RND3: variants seen among roughly 807,000 people sequenced by gnomAD.
RND3 encodes Rho family GTPase 3.
In RND3, 8 loss-of-function variants were observed where a neutral mutation model predicts 26.5. The ratio of observed to expected loss-of-function variants is 0.30; its 90% CI spans 0.18 to 0.54. The LOEUF (loss-of-function observed/expected upper bound fraction) is 0.54, where lower values mean the gene tolerates loss of function less well. Among genes scored for constraint, RND3 ranks in the 20% least tolerant of loss-of-function variants. The probability of loss-of-function intolerance (pLI) is 0.94; values close to 1 mark genes in which losing one functional copy is unlikely to be tolerated. For synonymous variants in RND3, 113 were observed against 113.0 expected (o/e 1.00, Z 0.00); for missense variants, 207 against 302.8 (o/e 0.68, Z 2.35).
intron 3 of RND3, among the ~76,000 whole-genome samples, chr2:150,483,655 G>T (rs1686312431): frequency 6.6e-6 from 1 of 152,180 alleles, no homozygotes; most frequent in Non-Finnish European, 1.5e-5. Flanking sequence ...GCCATGAAAA[G>T]CTTGGAATTA....
At chr2:150,481,123 G>C (rs758708724) in intron 3 of RND3, among the ~76,000 whole-genome samples, 1 of 152,168 alleles carries the variant, frequency 6.6e-6, no homozygotes, top group Non-Finnish European at 1.5e-5. Flanking sequence ...TGGAAGAAAC[G>C]TTAAAAACTT....
Position 150,486,415 on chromosome 2 carries a change from A to G in RND3, c.238+279T>C, listed in dbSNP as rs1686363411. Among the ~76,000 whole-genome samples, 1 of 151,470 alleles carries G rather than the reference A, an allele frequency of 6.6e-6. No individual in the cohort carries two copies. Among genetic ancestry groups the G allele is most frequent in the Admixed American group, 6.6e-5 (1 of 15,242 alleles). On this transcript the variant is annotated intron_variant, in intron 3 of 5. Coordinates refer to ENST00000263895, the MANE Select transcript of RND3 (RefSeq NM_005168.5). The surrounding 1 kb of genome is among the most constrained non-coding windows in gnomAD (Gnocchi z 4.5). Reference sequence around the variant, plus strand: ...TCGGCCGACCCAAGGCGACTTGACCACGACTCCGCGGGCGGACTGCGCCTG... The same window carrying G: ...TCGGCCGACCCAAGGCGACTTGACCGCGACTCCGCGGGCGGACTGCGCCTG...
chr2:150,482,947 C>T (rs1686299927), intron 3 of RND3, among the ~76,000 whole-genome samples: 1 of 152,126 alleles, frequency 6.6e-6, no homozygotes, highest in South Asian at 2.1e-4. Context: ...GAACTGTCTG[C>T]TTCTTAGGAG....
At position 150,469,743 on chromosome 2, in the gene RND3, C is replaced by G; in HGVS notation, c.*244G>C. 2.1e-6 allele frequency: 1 copy of G among 478,892 alleles called. No individual in the cohort carries two copies. The highest frequency in any genetic ancestry group is 2.0e-5 in the African/African-American group (1 of 51,042). The allele number at this position is 478,892 out of a possible 1,614,324, so 29.7% of individuals were successfully genotyped here. A position where few individuals can be genotyped will look rare whatever the true frequency, so the allele number is the denominator to read the frequency against. ...TCATCTTCCTCTAGCTCATTTGTAT[C>G]TCTCATTTTTTGGCATATTTTTCAA... On this transcript the variant is annotated 3_prime_UTR_variant, in exon 6 of 6. Coordinates refer to ENST00000263895, the MANE Select transcript of RND3 (RefSeq NM_005168.5).
intron 3 of RND3, among the ~76,000 whole-genome samples, chr2:150,484,622 G>C (rs1189729272): frequency 6.6e-6 from 1 of 152,160 alleles, no homozygotes; most frequent in Non-Finnish European, 1.5e-5. Flanking sequence ...AAGACTAAGA[G>C]CTGAAGCCAA....
chr2:150,483,946 C>T (rs1419543984), intron 3 of RND3, among the ~76,000 whole-genome samples: 1 of 152,220 alleles, frequency 6.6e-6, no homozygotes, highest in Non-Finnish European at 1.5e-5. Context: ...TTCTTCATCA[C>T]ATTTTCAAAC....
At chr2:150,480,115 T>C (rs562062080) in intron 3 of RND3, among the ~76,000 whole-genome samples, 2 of 152,306 alleles carry the variant, frequency 1.3e-5, no homozygotes, top group Non-Finnish European at 2.9e-5. Flanking sequence ...AGTGGAACCA[T>C]GGTTAAGTCA....
chr2:150,487,644 C>G lies in RND3; in HGVS notation c.-134G>C, dbSNP rs1465977397. On this transcript the variant is annotated 5_prime_UTR_variant, in exon 1 of 6. Coordinates refer to ENST00000263895, the MANE Select transcript of RND3 (RefSeq NM_005168.5). Reference sequence around the variant, plus strand: ...AAGCCTGACTCCTCACCGCGCCTCCCAAGTCCAATTCCGAGCCGACTGCTT... The same window carrying G: ...AAGCCTGACTCCTCACCGCGCCTCCGAAGTCCAATTCCGAGCCGACTGCTT... The G allele has an allele frequency of 6.4e-6, 1 of 156,028 alleles. No individual in the cohort carries two copies. Among genetic ancestry groups the G allele is most frequent in the African/African-American group, 2.4e-5 (1 of 41,514 alleles). 9.7% of individuals were successfully genotyped at this position (156,028 alleles called of 1,614,324 possible).
At chr2:150,478,366 G>A (rs548884469) in intron 3 of RND3, among the ~76,000 whole-genome samples, 10 of 151,762 alleles carry the variant, frequency 6.6e-5, no homozygotes, top group Non-Finnish European at 1.2e-4. Flanking sequence ...GAGAGGGCAC[G>A]GTGGAATCAC....
At chr2:150,487,495 T>TTC in intron 1 of RND3, 40 bp from the exon 2 acceptor site, 3 of 305,154 alleles carry the variant, frequency 9.8e-6, no homozygotes, top group Non-Finnish European at 1.5e-5. Context: ...ATATATATAT[T>TTC]TCTCTCTTTA....
At chr2:150,479,342 G>A (rs1686232720) in intron 3 of RND3, among the ~76,000 whole-genome samples, 2 of 152,138 alleles carry the variant, frequency 1.3e-5, no homozygotes, top group Non-Finnish European at 2.9e-5. Flanking sequence ...AAATGTATAT[G>A]TAAGAAGATT....
intron 4 of RND3, 142 bp from the exon 5 acceptor site, chr2:150,471,903 A>G: frequency 1.5e-6 from 1 of 667,232 alleles, no homozygotes; most frequent in Non-Finnish European, 2.5e-6. Context: ...TGAAGAAGCA[A>G]ACTTTGCATT....
At chr2:150,472,012 C>T (rs1686094421) in intron 4 of RND3, 3 of 403,618 alleles carry the variant, frequency 7.4e-6, no homozygotes, top group Non-Finnish European at 1.3e-5. Context: ...TCATCTGTTG[C>T]TACTGAAAGA....
chr2:150,470,133 A>G lies in RND3; in HGVS notation c.589T>C (p.Cys197Arg). 6.2e-7 allele frequency: 1 copy of G among 1,614,018 alleles called. No individual in the cohort carries two copies. Among genetic ancestry groups the G allele is most frequent in the Non-Finnish European group, 8.5e-7 (1 of 1,179,958 alleles). Reference sequence around the variant, plus strand: ...ACGTTTTTATTTGTCTTATTTACACATGCCAAGGTGGCAACGTGAAAAATG... The same window carrying G: ...ACGTTTTTATTTGTCTTATTTACACGTGCCAAGGTGGCAACGTGAAAAATG... ...RDIFHVATLA[C>R]VNKTNKNVKR... The change falls in exon 6 of 6, where the codon TGT becomes CGT. Residue 197 changes from cysteine to arginine, a missense_variant. Physicochemically the swap from Cys to Arg is radical, Grantham distance 180. Coordinates refer to ENST00000263895, the MANE Select transcript of RND3 (RefSeq NM_005168.5).
Position 150,469,155 on chromosome 2 carries a change from T to G in RND3, c.*832A>C, listed in dbSNP as rs1686039568. The G allele has an allele frequency of 6.6e-6, 1 of 152,632 alleles. No homozygotes were observed. The highest frequency in any genetic ancestry group is 2.1e-4 in the South Asian group (1 of 4,824). The allele number at this position is 152,632 out of a possible 1,614,324, so 9.5% of individuals were successfully genotyped here. A position where few individuals can be genotyped will look rare whatever the true frequency, so the allele number is the denominator to read the frequency against. On this transcript the variant is annotated 3_prime_UTR_variant, in exon 6 of 6. Coordinates refer to ENST00000263895, the MANE Select transcript of RND3 (RefSeq NM_005168.5). ...CTATGACATCAAACCAAGACACCTTTTATTTGACTTTGCATTTTTATCAAC... is the reference window on the plus strand; with the variant it reads ...CTATGACATCAAACCAAGACACCTTGTATTTGACTTTGCATTTTTATCAAC...
intron 3 of RND3, among the ~76,000 whole-genome samples, chr2:150,479,460 A>G (rs548040030): frequency 5.3e-5 from 8 of 152,336 alleles, no homozygotes; most frequent in Admixed American, 3.9e-4. Flanking sequence ...TGAATATTTC[A>G]TAAATATAAT....
chr2:150,482,310 T>C (rs1686287072), intron 3 of RND3, among the ~76,000 whole-genome samples: 1 of 152,242 alleles, frequency 6.6e-6, no homozygotes. Flanking sequence ...CAGTGATCCT[T>C]AAATGACTAC....
intron 3 of RND3, among the ~76,000 whole-genome samples, chr2:150,475,822 A>G (rs1020700485): frequency 6.6e-6 from 1 of 152,222 alleles, no homozygotes; most frequent in Non-Finnish European, 1.5e-5. Flanking sequence ...ACACTGAGGC[A>G]TGATCTAAGG....
intron 4 of RND3, among the ~76,000 whole-genome samples, chr2:150,474,431 T>G (rs1187156009): frequency 6.6e-6 from 1 of 152,230 alleles, no homozygotes; most frequent in Non-Finnish European, 1.5e-5. Context: ...TAGTTCCATT[T>G]CTGTTTCTAA....
Sources: gnomAD v4.1 joint callset for allele counts (sites outside exome capture counted in the v4.1 genomes callset) on GRCh38, gnomAD v4.1.1 for gene constraint, Gnocchi (gnomAD v3.1) non-coding constraint, MANE v1.5 for transcripts, NCBI Gene and HGNC (gene_info 2026-07-23, HGNC 2026-07-21) for gene names.